The following CXCL14 variants were observed in gnomAD, a reference collection of about 807,000 sequenced individuals.
CXCL14 encodes the protein C-X-C motif chemokine 14.
A neutral mutation model predicts 16.1 loss-of-function variants in CXCL14; 9 were observed. The ratio of observed to expected loss-of-function variants is 0.56; its 90% CI spans 0.34 to 0.97. CXCL14 has a LOEUF of 0.97. Ranked by LOEUF, CXCL14 falls within the 50% of genes least tolerant of loss-of-function variation. The probability of loss-of-function intolerance (pLI) is 0.02; values close to 1 mark genes in which losing one functional copy is unlikely to be tolerated. For synonymous variants in CXCL14, 55 were observed against 52.8 expected, an observed-to-expected ratio of 1.04 and a Z score of -0.18; for missense variants, 111 against 132.5, an observed-to-expected ratio of 0.84 and a Z score of 0.80.
Position 135,578,883 on chromosome 5 carries a change from C to T in CXCL14, c.-105G>A. 8.0e-7 allele frequency: 1 copy of T among 1,245,302 alleles called. No homozygotes were observed. Among genetic ancestry groups the T allele is most frequent in the Non-Finnish European group, 1.1e-6 (1 of 944,180 alleles). 77.1% of individuals were successfully genotyped at this position (1,245,302 alleles called of 1,614,324 possible). A position where few individuals can be genotyped will look rare whatever the true frequency, so the allele number is the denominator to read the frequency against. ...CCCAGCTCTGCTCGGCTTTCTCTGC[C>T]CGGGGCGCGCCTTCCGGCTCTGCTG... is the stretch of plus-strand genomic sequence containing the variant. On this transcript the variant is annotated 5_prime_UTR_variant, in exon 1 of 4. Transcript: ENST00000512158.
At position 135,578,965 on chromosome 5, in the gene CXCL14, C is replaced by G. The variant is rs1344840190; in HGVS notation, c.-187G>C. ...GCTGTCTGTGGCCGTGCGCTGCGCT[C>G]TGCGCTTGTCTCCGCGCTCTCTCCA... On this transcript the variant is annotated 5_prime_UTR_variant, in exon 1 of 4. Coordinates refer to ENST00000512158, the MANE Select transcript of CXCL14 (RefSeq NM_004887.5). 5.1e-6 allele frequency: 3 copies of G among 589,240 alleles called. No individual in the cohort carries two copies. Among genetic ancestry groups the G allele is most frequent in the Non-Finnish European group, 8.3e-6 (3 of 360,342 alleles). The allele number at this position is 589,240 out of a possible 1,614,324, so 36.5% of individuals were successfully genotyped here. A position where few individuals can be genotyped will look rare whatever the true frequency, so the allele number is the denominator to read the frequency against.
rs969958187 is a variant in CXCL14, at chr5:135,574,149, G to A, written c.284+423C>T. ...CCTCAGCACCTCATGGTTTTATAGC[G>A]CAGTTTTATAGCCAACATACACAGT... On this transcript the variant is annotated intron_variant, in intron 3 of 3. Transcript: ENST00000512158. Among the ~76,000 whole-genome samples, 4 of 152,204 alleles carry A rather than the reference G, an allele frequency of 2.6e-5. No individual in the cohort carries two copies. The East Asian group carries it at 5.8e-4, about 22-fold the overall frequency.
At chr5:135,578,364 G>A (rs1751147010) in intron 2 of CXCL14, 70 bp downstream of exon 2, 1 of 1,329,086 alleles carries the variant, frequency 7.5e-7, no homozygotes, top group Non-Finnish European at 1.1e-6. Flanking sequence ...CCCGACCCAG[G>A]CCCAGGCTGT....
chr5:135,572,103 A>G (rs1751039235), intron 3 of CXCL14, among the ~76,000 whole-genome samples: 1 of 152,142 alleles, frequency 6.6e-6, no homozygotes, highest in African/African-American at 2.4e-5. Flanking sequence ...TCACTTCTGC[A>G]ATCTCATTTT....
At chr5:135,577,030 T>C (rs1180789968) in intron 2 of CXCL14, among the ~76,000 whole-genome samples, 1 of 152,142 alleles carries the variant, frequency 6.6e-6, no homozygotes, top group Non-Finnish European at 1.5e-5. Flanking sequence ...CCGTAAAGCC[T>C]TTCTCACACT....
Position 135,578,769 on chromosome 5 carries a change from G to A in CXCL14, c.10C>T (p.Leu4=). 1 of 1,545,606 alleles carries A rather than the reference G, an allele frequency of 6.5e-7. No individual in the cohort carries two copies. The highest frequency in any genetic ancestry group is 8.7e-7 in the Non-Finnish European group (1 of 1,145,732). ...AGCAGCAGGAGCAGCGCGGCCGCCA[G>A]GAGCCTCATGCTGACCGGAGGGGCG... MRL[L]AAALLLLLLA... is the part of the protein sequence containing the mutation. Residue 4 remains leucine (L), a synonymous_variant, in exon 1 of 4, where the codon CTG becomes TTG. Transcript: ENST00000512158.
Position 135,571,380 on chromosome 5 carries a change from A to C in CXCL14, c.*473T>G, listed in dbSNP as rs560382617. ...GGCTGTGACCGGCCATAAGCCCAGG[A>C]GAGCCCGTGGCAGCTGTGCCGAGGC... On this transcript the variant is annotated 3_prime_UTR_variant, in exon 4 of 4. Coordinates refer to ENST00000512158, the MANE Select transcript of CXCL14 (RefSeq NM_004887.5). The C allele has an allele frequency of 6.3e-6, 1 of 158,350 alleles. No homozygotes were observed. Among genetic ancestry groups the C allele is most frequent in the African/African-American group, 2.4e-5 (1 of 41,654 alleles). The allele number at this position is 158,350 out of a possible 1,614,324, so 9.8% of individuals were successfully genotyped here.
At chr5:135,576,432 A>G (rs983157708) in intron 2 of CXCL14, among the ~76,000 whole-genome samples, 1 of 152,200 alleles carries the variant, frequency 6.6e-6, no homozygotes, top group Admixed American at 6.5e-5. Context: ...CCTGAAGGTC[A>G]GGGAGAGCAG....
In CXCL14 at chr5:135,570,873, A is replaced by G. The variant is rs1751015866; in HGVS notation, c.*980T>C. Reference sequence around the variant, plus strand: ...AGAGGAAAGGGCGCATGGTCATCTTAGCTTTCGAAAGAGGACTGCACTGTT... The same window carrying G: ...AGAGGAAAGGGCGCATGGTCATCTTGGCTTTCGAAAGAGGACTGCACTGTT... On this transcript the variant is annotated 3_prime_UTR_variant, in exon 4 of 4. Transcript: ENST00000512158. 1 of 152,214 alleles carries G rather than the reference A, an allele frequency of 6.6e-6. No homozygotes were observed. The highest frequency in any genetic ancestry group is 2.4e-5 in the African/African-American group (1 of 41,444). The allele number at this position is 152,214 out of a possible 1,614,324, so 9.4% of individuals were successfully genotyped here. A position where few individuals can be genotyped will look rare whatever the true frequency, so the allele number is the denominator to read the frequency against.
At chr5:135,575,867 G>C (rs1167549766) in intron 2 of CXCL14, among the ~76,000 whole-genome samples, 2 of 152,186 alleles carry the variant, frequency 1.3e-5, no homozygotes, top group Non-Finnish European at 2.9e-5. Context: ...GAGGGCAAAG[G>C]GGGAGACTGG....
intron 3 of CXCL14, 32 bp from the exon 4 acceptor site, chr5:135,571,900 C>T (rs1279650075): frequency 2.5e-6 from 4 of 1,612,278 alleles, no homozygotes; most frequent in Non-Finnish European, 3.4e-6. Flanking sequence ...GTAAGTGGCT[C>T]AGGACATGAG....
chr5:135,577,021 C>G (rs973496144), intron 2 of CXCL14, among the ~76,000 whole-genome samples: 3 of 152,058 alleles, frequency 2.0e-5, no homozygotes, highest in Admixed American at 6.6e-5. Context: ...TACAAGGCTC[C>G]GTAAAGCCTT....
At chr5:135,575,544 A>C (rs1751085519) in intron 2 of CXCL14, among the ~76,000 whole-genome samples, 1 of 152,196 alleles carries the variant, frequency 6.6e-6, no homozygotes, top group African/African-American at 2.4e-5. Context: ...AAAAGATACA[A>C]TCTTTAGAAA....
intron 2 of CXCL14, among the ~76,000 whole-genome samples, chr5:135,577,878 G>A (rs940679044): frequency 2.0e-5 from 3 of 152,204 alleles, no homozygotes; most frequent in African/African-American, 7.2e-5. Flanking sequence ...CCGTATTGGG[G>A]ACCCACAAGG....
chr5:135,572,607 T>TA lies in CXCL14; in HGVS notation c.285-740dup, dbSNP rs954238981. Among the ~76,000 whole-genome samples, 77 of 152,356 alleles carry TA rather than the reference T, an allele frequency of 5.1e-4. 1 individual carries two copies. The highest frequency in any genetic ancestry group is 9.7e-4 in the Non-Finnish European group (66 of 68,032). ...CCATGGCTGCCCTGGGGCCATACGT[T>TA]ACACTTAGCCTATCACTTTTCTGTC... On this transcript the variant is annotated intron_variant, in intron 3 of 3. Transcript: ENST00000512158.
rs1042735300 is a variant in CXCL14, at chr5:135,571,491, C to T, written c.*362G>A. 35 of 214,244 alleles carry T rather than the reference C, an allele frequency of 1.6e-4. No individual in the cohort carries two copies. Among genetic ancestry groups the T allele is most frequent in the East Asian group, 3.7e-4 (3 of 8,200 alleles). 13.3% of individuals were successfully genotyped at this position (214,244 alleles called of 1,614,324 possible). A position where few individuals can be genotyped will look rare whatever the true frequency, so the allele number is the denominator to read the frequency against. On this transcript the variant is annotated 3_prime_UTR_variant, in exon 4 of 4. Coordinates refer to ENST00000512158, the MANE Select transcript of CXCL14 (RefSeq NM_004887.5). ...TGTCCACCAAGCTCATTGTTCCTCCCGGGCGCTTATAAAGCTCAGATGTAT... is the reference window on the plus strand; with the variant it reads ...TGTCCACCAAGCTCATTGTTCCTCCTGGGCGCTTATAAAGCTCAGATGTAT...
intron 3 of CXCL14, among the ~76,000 whole-genome samples, chr5:135,572,498 C>T (rs959962190): frequency 1.3e-5 from 2 of 152,142 alleles, no homozygotes; most frequent in African/African-American, 4.8e-5. Context: ...TGCATTGCCT[C>T]ATCTCTACTC....
At chr5:135,574,895 G>A (rs909171597) in intron 2 of CXCL14, among the ~76,000 whole-genome samples, 1 of 152,138 alleles carries the variant, frequency 6.6e-6, no homozygotes, top group Non-Finnish European at 1.5e-5. Flanking sequence ...CCATGTTAGG[G>A]CCTAACCCTG....
intron 3 of CXCL14, among the ~76,000 whole-genome samples, chr5:135,573,844 C>A (rs1190284636): frequency 2.6e-5 from 4 of 152,042 alleles, no homozygotes; most frequent in Non-Finnish European, 5.9e-5. Flanking sequence ...GAGCTAGGAA[C>A]TGGATTCTCC....
Sources: gnomAD v4.1 joint callset for allele counts (sites outside exome capture counted in the v4.1 genomes callset) on GRCh38, gnomAD v4.1.1 for gene constraint, MANE v1.5 for transcripts, NCBI Gene and HGNC (gene_info 2026-07-23, HGNC 2026-07-21) for gene names.